The following SLC13A1 variants were observed in gnomAD, a reference collection of about 807,000 sequenced individuals.
The protein encoded by SLC13A1 is Na(+)/sulfate cotransporter.
A neutral mutation model predicts 70.0 loss-of-function variants in SLC13A1; 65 were observed. The observed-to-expected ratio is 0.93, with a 90% CI of 0.76 to 1.14. The LOEUF (loss-of-function observed/expected upper bound fraction) is 1.14. Among genes scored for constraint, SLC13A1 ranks in the 50% most tolerant of loss-of-function variants. SLC13A1 has a pLI of 0.00. For synonymous variants in SLC13A1, 275 were observed against 250.5 expected, an observed-to-expected ratio of 1.10 and a Z score of -0.92; for missense variants, 726 against 717.8, an observed-to-expected ratio of 1.01 and a Z score of -0.13.
Position 123,147,154 on chromosome 7 carries a change from C to A in SLC13A1, c.812+5G>T, listed in dbSNP as rs746534922. ...TTAAATCACCAATCCAATAAGGTTA[C>A]TTACGTATTGAAATACTCTGCAAAG... On this transcript the variant is annotated splice_donor_5th_base_variant and intron_variant, in intron 7 of 14. Transcript: ENST00000194130. 7 of 1,612,332 alleles carry A rather than the reference C, an allele frequency of 4.3e-6. No homozygotes were observed. The South Asian group carries it at 4.4e-5, about 10-fold the overall frequency.
At chr7:123,155,572 C>G (rs536109856) in intron 6 of SLC13A1, among the ~76,000 whole-genome samples, 5 of 152,118 alleles carry the variant, frequency 3.3e-5, no homozygotes, top group African/African-American at 1.2e-4. Context: ...ATAATTGAGG[C>G]TTTCATCAGA....
intron 9 of SLC13A1, 120 bp from the exon 10 acceptor site, chr7:123,129,066 G>T: frequency 1.4e-6 from 1 of 737,680 alleles, no homozygotes; most frequent in Non-Finnish European, 2.3e-6. Flanking sequence ...AGAACTAGAT[G>T]TGTCAATAAT....
chr7:123,145,371 T>G (rs949087579), intron 7 of SLC13A1, among the ~76,000 whole-genome samples: 2 of 152,138 alleles, frequency 1.3e-5, no homozygotes, highest in Non-Finnish European at 2.9e-5. Flanking sequence ...TTTACCATAT[T>G]GCAATCTTAC....
intron 14 of SLC13A1, among the ~76,000 whole-genome samples, chr7:123,116,222 T>G (rs1166127335): frequency 2.0e-5 from 3 of 152,216 alleles, no homozygotes; most frequent in Non-Finnish European, 2.9e-5. Context: ...TTTTAGCTCT[T>G]ATATCATTAT....
At chr7:123,184,732 C>T (rs1795746382) in intron 1 of SLC13A1, among the ~76,000 whole-genome samples, 1 of 151,918 alleles carries the variant, frequency 6.6e-6, no homozygotes, top group South Asian at 2.1e-4. Context: ...TTGATGAACA[C>T]TTAGGTTGAT....
intron 6 of SLC13A1, among the ~76,000 whole-genome samples, chr7:123,162,153 T>A (rs191408948): frequency 4.7e-4 from 71 of 152,144 alleles, no homozygotes; most frequent in East Asian, 9.7e-4. Context: ...ACAGTTAAAG[T>A]ACAGATATCA....
chr7:123,183,594 C>T (rs1182112754), intron 1 of SLC13A1, among the ~76,000 whole-genome samples: 1 of 152,158 alleles, frequency 6.6e-6, no homozygotes, highest in South Asian at 2.1e-4. Context: ...GACTTCTCCC[C>T]TCTCTGCCCC....
chr7:123,130,661 C>T (rs1008529358), intron 8 of SLC13A1, among the ~76,000 whole-genome samples: 1 of 152,072 alleles, frequency 6.6e-6, no homozygotes, highest in Non-Finnish European at 1.5e-5. Context: ...ACCATCATGG[C>T]ACACGTTTGC....
chr7:123,120,205 T>G (rs755611036), intron 12 of SLC13A1, among the ~76,000 whole-genome samples: 4 of 152,082 alleles, frequency 2.6e-5, no homozygotes, highest in African/African-American at 4.8e-5. Context: ...CTCCCCACTT[T>G]GTGGGAATCA....
At chr7:123,129,010 T>C in intron 9 of SLC13A1, 64 bp from the exon 10 acceptor site, 1 of 1,057,612 alleles carries the variant, frequency 9.5e-7, no homozygotes. Flanking sequence ...TAGAAACTCC[T>C]TGAGCTATTG....
At chr7:123,121,227 C>T (rs1248408439) in intron 12 of SLC13A1, among the ~76,000 whole-genome samples, 1 of 151,904 alleles carries the variant, frequency 6.6e-6, no homozygotes, top group Non-Finnish European at 1.5e-5. Context: ...TCTGGGAAGC[C>T]CATAGATCTT....
intron 12 of SLC13A1, 68 bp downstream of exon 12, chr7:123,123,058 G>T: frequency 8.2e-7 from 1 of 1,226,986 alleles, no homozygotes; most frequent in Non-Finnish European, 1.2e-6. Flanking sequence ...CCCAAAGATT[G>T]AATGTCTCTG....
intron 1 of SLC13A1, 35 bp downstream of exon 1, chr7:123,199,813 G>A (rs1218856664): frequency 1.4e-6 from 2 of 1,471,188 alleles, no homozygotes; most frequent in Non-Finnish European, 1.9e-6. Flanking sequence ...AAATAAGTCA[G>A]GAAATCCACC....
At chr7:123,121,041 T>A (rs1045912090) in intron 12 of SLC13A1, among the ~76,000 whole-genome samples, 3 of 152,178 alleles carry the variant, frequency 2.0e-5, no homozygotes, top group African/African-American at 2.4e-5. Context: ...TTCTTTTCTA[T>A]TTTTTTCTCT....
At chr7:123,192,850 A>G (rs545193271) in intron 1 of SLC13A1, among the ~76,000 whole-genome samples, 1 of 152,154 alleles carries the variant, frequency 6.6e-6, no homozygotes, top group Non-Finnish European at 1.5e-5. Context: ...ATTTTGGAAG[A>G]TGGATAGTAA....
intron 9 of SLC13A1, 30 bp from the exon 10 acceptor site, chr7:123,128,976 T>G: frequency 2.1e-6 from 3 of 1,446,516 alleles, no homozygotes; most frequent in Non-Finnish European, 2.9e-6. Context: ...GCATCACTTC[T>G]TATTTTCTCA....
chr7:123,161,563 A>T (rs1794902644), intron 6 of SLC13A1, among the ~76,000 whole-genome samples: 1 of 152,136 alleles, frequency 6.6e-6, no homozygotes, highest in African/African-American at 2.4e-5. Flanking sequence ...TGCGATACAG[A>T]ATGGACAGAG....
intron 1 of SLC13A1, among the ~76,000 whole-genome samples, chr7:123,197,563 TAGC>T (rs1326444024): frequency 6.6e-6 from 1 of 152,112 alleles, no homozygotes; most frequent in Non-Finnish European, 1.5e-5. Context: ...TCAGTTTAAT[TAGC>T]AGTTTATTGA....
chr7:123,175,156 G>A (rs1259829348), intron 2 of SLC13A1, among the ~76,000 whole-genome samples: 1 of 151,918 alleles, frequency 6.6e-6, no homozygotes, highest in African/African-American at 2.4e-5. Context: ...TAAGTCCCTA[G>A]ACTTAAAGAG....
Sources: allele counts gnomAD v4.1 joint callset (sites outside exome capture counted in the v4.1 genomes callset), GRCh38; gene constraint gnomAD v4.1.1; transcripts MANE v1.5; gene names NCBI Gene and HGNC (gene_info 2026-07-23, HGNC 2026-07-21).